Variants in CPA6 observed in about 807,000 individuals in gnomAD.
CPA6 encodes the protein carboxypeptidase A6.
Under a neutral mutation model 63.3 loss-of-function variants are expected in CPA6, and 58 were observed. The observed-to-expected ratio is 0.92, with a 90% CI of 0.74 to 1.14. CPA6 has a LOEUF of 1.14. Among genes scored for constraint, CPA6 ranks in the 50% most tolerant of loss-of-function variants. CPA6 has a pLI of 0.00. For synonymous variants in CPA6, 185 were observed against 179.0 expected (o/e 1.03, Z -0.27); for missense variants, 565 against 526.6 (o/e 1.07, Z -0.71).
At chr8:67,739,992 C>T (rs1371987925) in intron 1 of CPA6, among the ~76,000 whole-genome samples, 2 of 152,070 alleles carry the variant, frequency 1.3e-5, no homozygotes, top group Non-Finnish European at 2.9e-5. Flanking sequence ...TTTACAGGAA[C>T]AGAGGGAACC....
intron 2 of CPA6, among the ~76,000 whole-genome samples, chr8:67,617,246 C>A (rs1814978767): frequency 6.6e-6 from 1 of 152,116 alleles, no homozygotes; most frequent in African/African-American, 2.4e-5. Flanking sequence ...GTATTTCTTT[C>A]TTAAACATAC....
At chr8:67,551,425 C>T (rs576246393) in intron 2 of CPA6, among the ~76,000 whole-genome samples, 2 of 152,238 alleles carry the variant, frequency 1.3e-5, no homozygotes, top group East Asian at 3.9e-4. Context: ...CCACAGTAGC[C>T]TTATAGTATA....
At chr8:67,692,474 C>T (rs1816833670) in intron 1 of CPA6, among the ~76,000 whole-genome samples, 1 of 151,982 alleles carries the variant, frequency 6.6e-6, no homozygotes, top group African/African-American at 2.4e-5. Flanking sequence ...TAATACATTT[C>T]ACCACTCTGC....
At chr8:67,648,252 GATTA>G in intron 1 of CPA6, among the ~76,000 whole-genome samples, 1 of 125,026 alleles carries the variant, frequency 8.0e-6, no homozygotes, top group Non-Finnish European at 1.6e-5. Context: ...AAATTTCCTA[GATTA>G]GGTTTTTTTT....
intron 8 of CPA6, among the ~76,000 whole-genome samples, chr8:67,454,706 T>G (rs948089916): frequency 1.3e-5 from 2 of 152,340 alleles, no homozygotes; most frequent in Admixed American, 1.3e-4. Flanking sequence ...ATCTCTGCAG[T>G]GCAGAGTGGA....
At chr8:67,430,540 G>A (rs1810004800) in intron 9 of CPA6, among the ~76,000 whole-genome samples, 1 of 152,050 alleles carries the variant, frequency 6.6e-6, no homozygotes, top group Non-Finnish European at 1.5e-5. Context: ...CATATTGATG[G>A]AATGTTTTTA....
At chr8:67,563,871 C>G (rs1813273735) in intron 2 of CPA6, among the ~76,000 whole-genome samples, 1 of 152,194 alleles carries the variant, frequency 6.6e-6, no homozygotes, top group African/African-American at 2.4e-5. Context: ...TATCCACCTT[C>G]CCTCACTCCC....
rs112685560 is a variant in CPA6, at chr8:67,646,273, C to G, written c.117-22022G>C. The stretch of plus-strand genomic sequence containing the variant: ...GATTCCTCCCCTTTCTTTTAATGCT[C>G]AACCCCTTCATTAAAGATGCCCTGT... On this transcript the variant is annotated intron_variant, in intron 1 of 10. Transcript: ENST00000297770. Among the ~76,000 whole-genome samples the G allele has an allele frequency of 4.1e-3, 623 of 152,352 alleles. 8 individuals are homozygous for G. The highest frequency in any genetic ancestry group is 0.014 in the African/African-American group (599 of 41,592).
Position 67,564,312 on chromosome 8 carries a change from C to A in CPA6, c.193-46265G>T, listed in dbSNP as rs140924220. 1.3e-3 allele frequency among the ~76,000 whole-genome samples: 191 copies of A among 152,108 alleles called. 1 individual carries two copies. The South Asian group carries it at 0.017, about 14-fold the overall frequency. On this transcript the variant is annotated intron_variant, in intron 2 of 10. Transcript: ENST00000297770. ...CTCTCTAGTCTCTGCCTGTGATGCT[C>A]CTAAAGCTTTTTTTGTTTGTTTGTT...
At chr8:67,631,330 T>C (rs1304150943) in intron 1 of CPA6, among the ~76,000 whole-genome samples, 1 of 152,238 alleles carries the variant, frequency 6.6e-6, no homozygotes, top group African/African-American at 2.4e-5. Flanking sequence ...AGGACTTTTA[T>C]GTCTAGCTAG....
At chr8:67,511,477 C>T in intron 4 of CPA6, 64 bp downstream of exon 4, 1 of 895,432 alleles carries the variant, frequency 1.1e-6, no homozygotes, top group South Asian at 1.4e-5. Context: ...TAATTTTCTC[C>T]CTTAGACCTA....
intron 2 of CPA6, among the ~76,000 whole-genome samples, chr8:67,571,273 C>T (rs1244206215): frequency 6.6e-6 from 1 of 152,112 alleles, no homozygotes; most frequent in Non-Finnish European, 1.5e-5. Flanking sequence ...CAATACAGTG[C>T]TTTCAATATA....
At chr8:67,660,496 ATTTTTTTTT>A (rs5892089) in intron 1 of CPA6, among the ~76,000 whole-genome samples, 21 of 78,920 alleles carry the variant, frequency 2.7e-4, no homozygotes, top group African/African-American at 9.0e-4. Context: ...TGCCCGGCTC[ATTTTTTTTT>A]TTTTTTTTTT....
At chr8:67,486,553 C>A (rs1811482051) in intron 6 of CPA6, among the ~76,000 whole-genome samples, 1 of 152,210 alleles carries the variant, frequency 6.6e-6, no homozygotes, top group Non-Finnish European at 1.5e-5. Flanking sequence ...TCAAGCAATG[C>A]ATGACTGTAT....
intron 2 of CPA6, among the ~76,000 whole-genome samples, chr8:67,568,114 G>A (rs924425734): frequency 6.6e-6 from 1 of 152,108 alleles, no homozygotes; most frequent in Non-Finnish European, 1.5e-5. Flanking sequence ...AGTACGAGCT[G>A]GCCCATCCAC....
At chr8:67,709,920 G>C (rs975953198) in intron 1 of CPA6, among the ~76,000 whole-genome samples, 1 of 152,000 alleles carries the variant, frequency 6.6e-6, no homozygotes, top group Non-Finnish European at 1.5e-5. Flanking sequence ...AGACCAGCCT[G>C]GCCAACATGG....
intron 8 of CPA6, among the ~76,000 whole-genome samples, chr8:67,437,940 G>C (rs1007102557): frequency 3.3e-5 from 5 of 152,018 alleles, no homozygotes; most frequent in African/African-American, 7.3e-5. Flanking sequence ...GGGGGTGATG[G>C]AGTCTTGCTC....
intron 6 of CPA6, among the ~76,000 whole-genome samples, chr8:67,494,682 G>A (rs1157194804): frequency 2.6e-5 from 4 of 152,144 alleles, no homozygotes; most frequent in East Asian, 1.9e-4. Flanking sequence ...GTAAAAATGA[G>A]CTGCCACTGA....
intron 1 of CPA6, among the ~76,000 whole-genome samples, chr8:67,642,097 A>C (rs890016448): frequency 6.6e-6 from 1 of 152,132 alleles, no homozygotes; most frequent in Non-Finnish European, 1.5e-5. Context: ...CGAGGCGGGC[A>C]GATCACCTGA....
Sources: allele counts gnomAD v4.1 joint callset (sites outside exome capture counted in the v4.1 genomes callset), GRCh38; gene constraint gnomAD v4.1.1; transcripts MANE v1.5; gene names NCBI Gene and HGNC (gene_info 2026-07-23, HGNC 2026-07-21).